ABCG1: variants seen among roughly 807,000 people sequenced by gnomAD.
ABCG1 encodes the protein ATP binding cassette subfamily G member 1.
Under a neutral mutation model 69.2 loss-of-function variants are expected in ABCG1, and 29 were observed. The ratio of observed to expected loss-of-function variants is 0.42; its 90% CI spans 0.31 to 0.57. ABCG1 has a LOEUF of 0.57. Ranked by LOEUF, ABCG1 falls within the 20% of genes least tolerant of loss-of-function variation. The pLI is 0.15. For synonymous variants in ABCG1, 370 were observed against 374.8 expected, an observed-to-expected ratio of 0.99 and a Z score of 0.15; for missense variants, 718 against 898.1, an observed-to-expected ratio of 0.80 and a Z score of 2.56.
Position 42,283,782 on chromosome 21 carries a change from CA to C in ABCG1, c.735-776del, listed in dbSNP as rs1219481206. 2.0e-3 allele frequency among the ~76,000 whole-genome samples: 94 copies of C among 47,826 alleles called. 2 individuals are homozygous for C. Among genetic ancestry groups the C allele is most frequent in the East Asian group, 4.4e-3 (5 of 1,144 alleles). The allele number at this position is 47,826 out of a possible 152,430, so 31.4% of individuals were successfully genotyped here. The stretch of plus-strand genomic sequence containing the variant: ...GCCTGGACAGTTGTGAAGTACCCCC[CA>C]ACCCAGATGAGTGGGGACCCCCCCA... On this transcript the variant is annotated intron_variant, in intron 6 of 14. Transcript: ENST00000398449.
intron 2 of ABCG1, among the ~76,000 whole-genome samples, chr21:42,206,606 G>A (rs906122786): frequency 6.6e-6 from 1 of 152,056 alleles, no homozygotes. Context: ...CAGGCATGGT[G>A]CCACCACATC....
At chr21:42,280,323 T>C (rs1482366163) in intron 5 of ABCG1, among the ~76,000 whole-genome samples, 1 of 152,206 alleles carries the variant, frequency 6.6e-6, no homozygotes, top group Non-Finnish European at 1.5e-5. Context: ...TAGAAGATCA[T>C]GGAATTTTTG....
chr21:42,282,211 G>T (rs1318588292), intron 5 of ABCG1, 63 bp from the exon 6 acceptor site: 1 of 1,579,566 alleles, frequency 6.3e-7, no homozygotes, highest in African/African-American at 1.3e-5. Flanking sequence ...TTCCTGCATG[G>T]GCCATGGGAG....
chr21:42,211,202 C>T (rs1036992431), upstream of ABCG1, among the ~76,000 whole-genome samples: 2 of 152,146 alleles, frequency 1.3e-5, no homozygotes, highest in African/African-American at 4.8e-5. Context: ...TCCTGATCCG[C>T]CCGCCTCGGG....
intron 14 of ABCG1, 26 bp downstream of exon 14, chr21:42,294,686 G>T (rs2276234): frequency 1.3e-6 from 2 of 1,599,338 alleles, no homozygotes; most frequent in African/African-American, 2.7e-5. Context: ...CACGCATGGC[G>T]TGGGGACCGA....
intron 2 of ABCG1, among the ~76,000 whole-genome samples, chr21:42,239,618 C>G (rs530654888): frequency 5.9e-5 from 9 of 152,138 alleles, no homozygotes; most frequent in African/African-American, 1.9e-4. Context: ...GGGCCTGGTC[C>G]GGGGTCACAG....
At chr21:42,270,220 ACTGCACTCTAGC>A (rs1298465637) in intron 2 of ABCG1, among the ~76,000 whole-genome samples, 3 of 139,886 alleles carry the variant, frequency 2.1e-5, no homozygotes, top group African/African-American at 8.2e-5. Flanking sequence ...AGATTGTGCC[ACTGCACTCTAGC>A]ATGGGCGACA....
Position 42,253,315 on chromosome 21 carries a change from G to A in ABCG1, c.287-17755G>A, listed in dbSNP as rs369233682. ...CAGAGAAGCAGACCAGAGATGAGCC[G>A]GCACCGCTGTGGGGGAAGGATCATC... is the stretch of plus-strand genomic sequence containing the variant. On this transcript the variant is annotated intron_variant, in intron 2 of 14. Coordinates refer to ENST00000398449, the MANE Select transcript of ABCG1 (RefSeq NM_016818.3). Among the ~76,000 whole-genome samples, 32 of 152,158 alleles carry A rather than the reference G, an allele frequency of 2.1e-4. 1 individual carries two copies. Among genetic ancestry groups the A allele is most frequent in the East Asian group, 5.8e-4 (3 of 5,194 alleles).
chr21:42,293,600 C>G (rs189332844), intron 13 of ABCG1, among the ~76,000 whole-genome samples: 5,567 of 133,196 alleles, frequency 0.042, 197 homozygotes, highest in Non-Finnish European at 0.057. Flanking sequence ...CCACACTACA[C>G]AGTACACACC....
chr21:42,294,164 A>G (rs1451868719), intron 13 of ABCG1, among the ~76,000 whole-genome samples: 1 of 152,088 alleles, frequency 6.6e-6, no homozygotes, highest in East Asian at 1.9e-4. Context: ...GCCCCGACCG[A>G]AGGGGTGCCC....
chr21:42,204,023 C>T (rs550120972), intron 2 of ABCG1, among the ~76,000 whole-genome samples: 7 of 152,224 alleles, frequency 4.6e-5, no homozygotes, highest in South Asian at 2.1e-4. Context: ...AATGGTGTCA[C>T]GTTTTTAATT....
At position 42,296,621 on chromosome 21, in the gene ABCG1, G is replaced by C. The variant is rs2069216241; in HGVS notation, c.*229G>C. On this transcript the variant is annotated 3_prime_UTR_variant, in exon 15 of 15. Transcript: ENST00000398449. This position sits in a 1 kb window ranked among gnomAD's most constrained non-coding sequence, Gnocchi z 5.4. ...TAACTAGGAAGATGTAGGCAGATTG[G>C]TGGTTTTTTTTTTTTTAACATACAG... 2.1e-6 allele frequency: 1 copy of C among 487,264 alleles called. No individual in the cohort carries two copies. The highest frequency in any genetic ancestry group is 3.8e-5 in the Admixed American group (1 of 26,644). 30.2% of individuals were successfully genotyped at this position (487,264 alleles called of 1,614,324 possible).
At chr21:42,266,669 T>C (rs1300687249) in intron 2 of ABCG1, among the ~76,000 whole-genome samples, 1 of 152,192 alleles carries the variant, frequency 6.6e-6, no homozygotes, top group East Asian at 1.9e-4. Context: ...CGGGCACTGC[T>C]AGTTGTGCCC....
intron 1 of ABCG1, among the ~76,000 whole-genome samples, chr21:42,201,064 T>A: frequency 6.6e-6 from 1 of 152,138 alleles, no homozygotes. Context: ...TTGTGCTTTT[T>A]TTTTTCACCT....
At chr21:42,200,803 G>A (rs906084360) in intron 1 of ABCG1, among the ~76,000 whole-genome samples, 1 of 151,976 alleles carries the variant, frequency 6.6e-6, no homozygotes, top group African/African-American at 2.4e-5. Context: ...TGGCCAGGCT[G>A]GTCTCGAACT....
intron 2 of ABCG1, among the ~76,000 whole-genome samples, chr21:42,269,910 A>G (rs1445700450): frequency 9.9e-5 from 15 of 152,200 alleles, no homozygotes. Context: ...TGTGGAAGCT[A>G]AAATGGCATT....
At chr21:42,208,595 CG>C (rs1228821638) in intron 2 of ABCG1, among the ~76,000 whole-genome samples, 3 of 152,274 alleles carry the variant, frequency 2.0e-5, no homozygotes, top group Non-Finnish European at 4.4e-5. Flanking sequence ...TAGCAGTGAA[CG>C]TGTGGAAAAG....
At chr21:42,200,186 T>G (rs2067495064) in intron 1 of ABCG1, among the ~76,000 whole-genome samples, 1 of 152,212 alleles carries the variant, frequency 6.6e-6, no homozygotes, top group African/African-American at 2.4e-5. Flanking sequence ...GAGTCACAAG[T>G]TCAGGTGGGC....
chr21:42,271,235 C>A, intron 3 of ABCG1, 48 bp downstream of exon 3: 1 of 1,277,974 alleles, frequency 7.8e-7, no homozygotes. Context: ...GGTGTCAGGC[C>A]AGCAGTGGGA....
Sources: allele counts gnomAD v4.1 joint callset (sites outside exome capture counted in the v4.1 genomes callset), GRCh38; gene constraint gnomAD v4.1.1; non-coding constraint Gnocchi (gnomAD v3.1); transcripts MANE v1.5; gene names NCBI Gene and HGNC (gene_info 2026-07-23, HGNC 2026-07-21).